Variants in MKX observed in about 807,000 individuals in gnomAD.
The protein encoded by MKX is homeobox protein Mohawk.
MKX carries 13 observed loss-of-function variants against 36.0 expected under a neutral mutation model. That is an observed-to-expected ratio of 0.36 (90% CI 0.24 to 0.57). The LOEUF (loss-of-function observed/expected upper bound fraction) is 0.57. MKX is among the 20% of genes least tolerant of loss of function. MKX has a pLI of 0.79. For synonymous variants in MKX, 176 were observed against 178.3 expected, an observed-to-expected ratio of 0.99 and a Z score of 0.10; for missense variants, 458 against 456.4, an observed-to-expected ratio of 1.00 and a Z score of -0.03.
chr10:27,674,807 G>A lies in MKX; in HGVS notation c.*422C>T, dbSNP rs1836111794. The A allele has an allele frequency of 6.5e-6, 1 of 154,414 alleles. No homozygotes were observed. Among genetic ancestry groups the A allele is most frequent in the Non-Finnish European group, 1.4e-5 (1 of 69,348 alleles). The allele number at this position is 154,414 out of a possible 1,614,324, so 9.6% of individuals were successfully genotyped here. ...AACAGATATCCAAGTTTTAACATAT[G>A]AATTATTGAATGTATTTCAAGGGCT... is the stretch of plus-strand genomic sequence containing the variant. On this transcript the variant is annotated 3_prime_UTR_variant, in exon 7 of 7. Transcript: ENST00000419761.
At chr10:27,697,837 G>A (rs1275288931) in intron 5 of MKX, among the ~76,000 whole-genome samples, 1 of 152,164 alleles carries the variant, frequency 6.6e-6, no homozygotes, top group Non-Finnish European at 1.5e-5. Flanking sequence ...TTGGAGCAAT[G>A]GCAGGGATAA....
At chr10:27,732,105 A>T (rs1281649555) in intron 5 of MKX, among the ~76,000 whole-genome samples, 1 of 152,172 alleles carries the variant, frequency 6.6e-6, no homozygotes, top group Non-Finnish European at 1.5e-5. Flanking sequence ...GTATTTTCAT[A>T]GTATCAGTAT....
At chr10:27,694,753 T>C (rs1836523267) in intron 5 of MKX, among the ~76,000 whole-genome samples, 1 of 149,568 alleles carries the variant, frequency 6.7e-6, no homozygotes, top group Admixed American at 6.7e-5. Context: ...CATCCAGAAC[T>C]AGATGGTGAA....
At chr10:27,677,678 A>T (rs1237584292) in intron 5 of MKX, among the ~76,000 whole-genome samples, 2 of 152,198 alleles carry the variant, frequency 1.3e-5, no homozygotes, top group African/African-American at 4.8e-5. Context: ...ACTTAAATAA[A>T]CAAGGCGAAC....
At chr10:27,711,112 C>G (rs140597612) in intron 5 of MKX, among the ~76,000 whole-genome samples, 97 of 152,254 alleles carry the variant, frequency 6.4e-4, no homozygotes, top group Middle Eastern at 3.4e-3. Context: ...TACTATCCAT[C>G]ACAGGTATGA....
At chr10:27,726,714 A>AT (rs3063191) in intron 5 of MKX, among the ~76,000 whole-genome samples, 12,904 of 144,270 alleles carry the variant, frequency 0.089, 590 homozygotes, top group African/African-American at 0.11. Flanking sequence ...TCATTGTTTA[A>AT]TTTTTTTTTT....
chr10:27,694,147 T>G (rs1023279784), intron 5 of MKX, among the ~76,000 whole-genome samples: 10 of 152,152 alleles, frequency 6.6e-5, no homozygotes, highest in African/African-American at 2.4e-4. Flanking sequence ...TGGGTATGTC[T>G]TTATCAGCAG....
chr10:27,743,039 C>T (rs1339761398), intron 2 of MKX, among the ~76,000 whole-genome samples, 189 bp downstream of exon 2: 2 of 152,244 alleles, frequency 1.3e-5, no homozygotes, highest in South Asian at 2.1e-4. Context: ...GAATTGATCC[C>T]TCATGTTTTA....
At chr10:27,711,398 T>A (rs906327507) in intron 5 of MKX, among the ~76,000 whole-genome samples, 1 of 149,106 alleles carries the variant, frequency 6.7e-6, no homozygotes, top group African/African-American at 2.5e-5. Context: ...CTTTCTTCCT[T>A]TCCTTCTTTC....
chr10:27,682,631 T>C, intron 5 of MKX, among the ~76,000 whole-genome samples: 1 of 152,040 alleles, frequency 6.6e-6, no homozygotes, highest in South Asian at 2.1e-4. Flanking sequence ...GGGGGTGCGT[T>C]TCAGGATAAA....
chr10:27,690,818 G>T (rs1836441002), intron 5 of MKX, among the ~76,000 whole-genome samples: 1 of 152,146 alleles, frequency 6.6e-6, no homozygotes, highest in Admixed American at 6.5e-5. Context: ...GATATGGTTT[G>T]CCTGTGTCCT....
intron 5 of MKX, among the ~76,000 whole-genome samples, chr10:27,702,006 C>T (rs1036479624): frequency 1.3e-5 from 2 of 152,064 alleles, no homozygotes; most frequent in Non-Finnish European, 2.9e-5. Flanking sequence ...TCCTACCAAT[C>T]TCCAGGAGAG....
At chr10:27,732,719 T>G (rs981806781) in intron 5 of MKX, among the ~76,000 whole-genome samples, 3 of 152,214 alleles carry the variant, frequency 2.0e-5, no homozygotes, top group Non-Finnish European at 4.4e-5. Flanking sequence ...AGCTCTTCTC[T>G]GGTCACAACA....
intron 3 of MKX, among the ~76,000 whole-genome samples, chr10:27,738,045 A>T (rs1309260952): frequency 1.3e-5 from 2 of 152,022 alleles, no homozygotes; most frequent in African/African-American, 2.4e-5. Context: ...TTATATACTC[A>T]TAGTCTTTTT....
At chr10:27,703,495 A>G (rs995083909) in intron 5 of MKX, among the ~76,000 whole-genome samples, 16 of 148,120 alleles carry the variant, frequency 1.1e-4, no homozygotes, top group Non-Finnish European at 1.8e-4. Context: ...ATTCAATGCA[A>G]TAAGCTAGAG....
At chr10:27,735,052 T>C (rs961158788) in intron 4 of MKX, among the ~76,000 whole-genome samples, 169 bp downstream of exon 4, 2 of 152,196 alleles carry the variant, frequency 1.3e-5, no homozygotes, top group Non-Finnish European at 2.9e-5. Context: ...GAAATGGCCA[T>C]CATTCCTTTG....
Position 27,744,653 on chromosome 10 carries a change from C to T in MKX, c.-83+1054G>A, listed in dbSNP as rs527630480. ...GGCCTCAGCTTCGCTGCCAGCGCCC[C>T]CTTTGCCCGTCCAGCCGCGGCATGG... On this transcript the variant is annotated intron_variant, in intron 1 of 6. Transcript: ENST00000419761. This position sits in a 1 kb window ranked among gnomAD's most constrained non-coding sequence, Gnocchi z 5.6. The T allele has an allele frequency of 3.0e-4, 46 of 153,184 alleles. No individual in the cohort carries two copies. The South Asian group carries it at 9.5e-3, about 32-fold the overall frequency. The allele number at this position is 153,184 out of a possible 1,614,324, so 9.5% of individuals were successfully genotyped here.
intron 5 of MKX, among the ~76,000 whole-genome samples, chr10:27,680,070 G>A (rs1321564951): frequency 2.0e-5 from 3 of 152,136 alleles, no homozygotes; most frequent in Admixed American, 2.0e-4. Context: ...GATTGTGCAT[G>A]TTGTGAAAGA....
chr10:27,696,752 T>C (rs981020586), intron 5 of MKX, among the ~76,000 whole-genome samples: 1 of 152,116 alleles, frequency 6.6e-6, no homozygotes, highest in African/African-American at 2.4e-5. Context: ...GTGCATGAAC[T>C]AGCATCCTAC....
Sources: gnomAD v4.1 joint callset for allele counts (sites outside exome capture counted in the v4.1 genomes callset) on GRCh38, gnomAD v4.1.1 for gene constraint, Gnocchi (gnomAD v3.1) non-coding constraint, MANE v1.5 for transcripts, NCBI Gene and HGNC (gene_info 2026-07-23, HGNC 2026-07-21) for gene names.